Variants in TCF25 observed in about 807,000 individuals in gnomAD.
TCF25 encodes the protein TCF25 ribosome quality control complex subunit, also known as ribosome quality control complex subunit TCF25.
In TCF25, 41 loss-of-function variants were observed where a neutral mutation model predicts 83.1. The ratio of observed to expected loss-of-function variants is 0.49; its 90% CI spans 0.38 to 0.64. The LOEUF is 0.64. Among genes scored for constraint, TCF25 ranks in the 30% least tolerant of loss-of-function variants. The pLI is 0.00. For missense variants in TCF25, 979 were observed against 914.5 expected (o/e 1.07, Z -0.91); for synonymous variants, 458 against 365.0 (o/e 1.25, Z -2.90).
intron 5 of TCF25, chr16:89,890,614 A>G (rs954042939): frequency 3.3e-5 from 5 of 152,200 alleles, no homozygotes; most frequent in African/African-American, 1.2e-4. Context: ...TATTAATTAA[A>G]AATAGACTTT....
Position 89,911,080 on chromosome 16 carries a change from G to T in TCF25, c.1873G>T (p.Gly625Trp). 6.2e-7 allele frequency: 1 copy of T among 1,610,762 alleles called. No individual in the cohort carries two copies. Among genetic ancestry groups the T allele is most frequent in the East Asian group, 2.2e-5 (1 of 44,874 alleles). Residue 625 changes from glycine (G) to tryptophan (W), a missense_variant and splice_region_variant, in exon 18 of 18, where the codon GGG (glycine) becomes TGG (tryptophan). Transcript: ENST00000263346. ...RSLLPNYTME[G>W]ERPEEGVAGG... is the part of the protein sequence containing the mutation. Reference sequence around the variant, plus strand: ...TCTCAGACATGTCCCCTTGCTGCAGGGGGAGAGGCCCGAGGAAGGAGTGGC... The same window carrying T: ...TCTCAGACATGTCCCCTTGCTGCAGTGGGAGAGGCCCGAGGAAGGAGTGGC...
chr16:89,897,962 G>C (rs1000570100), intron 9 of TCF25, among the ~76,000 whole-genome samples: 1 of 152,146 alleles, frequency 6.6e-6, no homozygotes, highest in East Asian at 1.9e-4. Context: ...AATCAGCTGG[G>C]TGTGGTGGCG....
chr16:89,878,434 ATTTTTTTT>A, intron 1 of TCF25: 4 of 1,005,700 alleles, frequency 4.0e-6, no homozygotes, highest in Non-Finnish European at 5.0e-6. Context: ...AAAAATCACC[ATTTTTTTT>A]TTTTTTTTTT....
At chr16:89,907,661 A>G (rs1435293705) in intron 16 of TCF25, among the ~76,000 whole-genome samples, 9 of 49,358 alleles carry the variant, frequency 1.8e-4, no homozygotes, top group Non-Finnish European at 2.7e-4. Context: ...CCCAGCTCCC[A>G]GCTCCCTCCT....
intron 1 of TCF25, among the ~76,000 whole-genome samples, chr16:89,879,932 C>A (rs1316014679): frequency 1.3e-5 from 2 of 151,046 alleles, no homozygotes; most frequent in South Asian, 2.1e-4. Flanking sequence ...CAGACAGGCT[C>A]CTGGGCCTAT....
At chr16:89,903,527 C>T (rs994872893) in intron 12 of TCF25, among the ~76,000 whole-genome samples, 2 of 152,158 alleles carry the variant, frequency 1.3e-5, no homozygotes, top group Non-Finnish European at 2.9e-5. Flanking sequence ...AAAAATTAGC[C>T]GGGTGTGGTG....
At chr16:89,908,857 C>T (rs2045305287) in intron 16 of TCF25, 3 of 1,192,432 alleles carry the variant, frequency 2.5e-6, no homozygotes, top group South Asian at 2.7e-5. Flanking sequence ...CCAGCTCTCT[C>T]CTGCAGCTCT....
chr16:89,891,501 G>A (rs918222503), intron 5 of TCF25, among the ~76,000 whole-genome samples: 4 of 152,324 alleles, frequency 2.6e-5, no homozygotes, highest in East Asian at 1.9e-4. Flanking sequence ...GTGCTGCCGC[G>A]GCTGCCACGC....
chr16:89,907,351 CCAG>C (rs1476271213), intron 16 of TCF25, 29 bp downstream of exon 16: 35 of 1,417,556 alleles, frequency 2.5e-5, no homozygotes, highest in Middle Eastern at 1.9e-4. Flanking sequence ...TTCCCACCTC[CCAG>C]CTCCCACCTC....
At chr16:89,880,096 G>C (rs556373985) in intron 1 of TCF25, among the ~76,000 whole-genome samples, 20 of 152,224 alleles carry the variant, frequency 1.3e-4, no homozygotes, top group Admixed American at 1.3e-3. Context: ...TACACAGACA[G>C]GCTCCCGGGC....
intron 10 of TCF25, 50 bp from the exon 11 acceptor site, chr16:89,898,717 G>T: frequency 6.2e-7 from 1 of 1,612,872 alleles, no homozygotes; most frequent in Non-Finnish European, 8.5e-7. Context: ...CTCTCAGCCT[G>T]ACGATGCCCC....
intron 9 of TCF25, among the ~76,000 whole-genome samples, chr16:89,896,614 C>T (rs992648287): frequency 2.1e-5 from 3 of 142,066 alleles, no homozygotes; most frequent in Non-Finnish European, 4.5e-5. Context: ...AGTGCAGGGG[C>T]GCGATCTCGG....
chr16:89,874,981 G>A (rs2042066804), intron 1 of TCF25: 1 of 152,138 alleles, frequency 6.6e-6, no homozygotes, highest in Non-Finnish European at 1.5e-5. Flanking sequence ...TCAGTAATTT[G>A]CTAGATTCAC....
chr16:89,911,170 A>C lies in TCF25; in HGVS notation c.1963A>C (p.Asn655His). ...LMLAVRDMMA[N>H]FHLNDLEAPH... is the part of the protein sequence containing the mutation. The stretch of plus-strand genomic sequence containing the variant: ...GCTGGCTGTGCGCGACATGATGGCC[A>C]ACTTCCACCTCAACGACCTGGAGGC... The change falls in exon 18 of 18, where the codon AAC (asparagine) becomes CAC (histidine). Residue 655 changes from asparagine to histidine, a missense_variant. By Grantham distance (68) the Asn-to-His change is moderately conservative. Transcript: ENST00000263346. The C allele has an allele frequency of 6.2e-7, 1 of 1,612,280 alleles. No individual in the cohort carries two copies. The highest frequency in any genetic ancestry group is 2.2e-5 in the East Asian group (1 of 44,864).
At chr16:89,893,642 A>G (rs2043598071) in intron 6 of TCF25, 86 bp from the exon 7 acceptor site, 2 of 1,601,488 alleles carry the variant, frequency 1.2e-6, no homozygotes, top group Admixed American at 3.4e-5. Flanking sequence ...GGCCTCATCC[A>G]GAACACCACG....
rs181095935 is a variant in TCF25 at position 89,891,810 on chromosome 16, A to G, written c.615-383A>G. On this transcript the variant is annotated intron_variant, in intron 5 of 17. Coordinates refer to ENST00000263346, the MANE Select transcript of TCF25 (RefSeq NM_014972.3). ...GTCCAGGCTGGAGTGCTGGGATCAC[A>G]GGTGCAGGCCATCACGCCAGGCTAA... Among the ~76,000 whole-genome samples the G allele has an allele frequency of 7.1e-3, 1,080 of 152,208 alleles. 3 individuals carry two copies. Among genetic ancestry groups the G allele is most frequent in the Non-Finnish European group, 0.011 (738 of 67,992 alleles).
At chr16:89,892,455 G>A (rs980911163) in intron 6 of TCF25, among the ~76,000 whole-genome samples, 180 bp downstream of exon 6, 8 of 152,118 alleles carry the variant, frequency 5.3e-5, no homozygotes, top group African/African-American at 1.9e-4. Context: ...CTCTTGAGCC[G>A]AGACTCTTTG....
intron 14 of TCF25, among the ~76,000 whole-genome samples, chr16:89,905,980 A>G (rs1597378641): frequency 6.6e-6 from 1 of 152,082 alleles, no homozygotes; most frequent in East Asian, 1.9e-4. Flanking sequence ...GTCACTGGCC[A>G]TGTGGCTGGG....
chr16:89,898,109 A>C (rs1188991288), intron 9 of TCF25, among the ~76,000 whole-genome samples: 1 of 126,114 alleles, frequency 7.9e-6, no homozygotes, highest in East Asian at 2.0e-4. Flanking sequence ...ACTCCGTCTC[A>C]AAAAAAAAAA....
Sources: allele counts gnomAD v4.1 joint callset (sites outside exome capture counted in the v4.1 genomes callset), GRCh38; gene constraint gnomAD v4.1.1; transcripts MANE v1.5; gene names NCBI Gene and HGNC (gene_info 2026-07-23, HGNC 2026-07-21).